Variants in MAMLD1 observed in about 807,000 individuals in gnomAD.
The protein encoded by MAMLD1 is mastermind-like domain-containing protein 1.
In MAMLD1, 14 loss-of-function variants were observed where a neutral mutation model predicts 45.0. That is an observed-to-expected ratio of 0.31 (90% CI 0.21 to 0.49). MAMLD1 has a LOEUF of 0.49. Ranked by LOEUF, MAMLD1 falls within the 20% of genes least tolerant of loss-of-function variation. The pLI is 0.99. For synonymous variants in MAMLD1, 254 were observed against 247.8 expected (o/e 1.02, Z -0.24); for missense variants, 543 against 603.6 (o/e 0.90, Z 1.05).
rs200386969 is a variant in MAMLD1, at chrX:150,490,126, CA to C, written c.2041-13146del. 5.6e-4 allele frequency among the ~76,000 whole-genome samples: 62 copies of C among 111,581 alleles called. No homozygotes were observed. In the East Asian group the frequency reaches 0.017, roughly 30 times the overall value. ...GATCTAAGGGGGAGGCTGCTGGAGG[CA>C]ATTATGTTTCCCATGGCAGGAGATG... On this transcript the variant is annotated intron_variant, in intron 5 of 7. Transcript: ENST00000370401.
At position 150,471,052 on chromosome X, in the gene MAMLD1, ACAGCAGCAGCAG is replaced by A. The variant is rs781802555; in HGVS notation, c.1494_1505del (p.Gln499_Gln502del). 2.8e-5 allele frequency: 34 copies of A among 1,209,460 alleles called. No homozygotes were observed. Among genetic ancestry groups the A allele is most frequent in the South Asian group, 1.2e-4 (7 of 56,919 alleles). ...CCACCAGTAATCTTCTAAGCCAGCA[ACAGCAGCAGCAG>A]CAGCAGCAGCAGCAAGCAAATGTGA... On this transcript the variant is annotated inframe_deletion, in exon 4 of 8. Coordinates refer to ENST00000370401, the MANE Select transcript of MAMLD1 (RefSeq NM_005491.5).
chrX:150,440,291 G>A (rs1441126867), intron 1 of MAMLD1, among the ~76,000 whole-genome samples: 2 of 107,317 alleles, frequency 1.9e-5, no homozygotes, highest in African/African-American at 6.8e-5. Context: ...GGATTTTTGT[G>A]TCTATATTCA....
At chrX:150,490,662 A>T (rs1160458324) in intron 5 of MAMLD1, among the ~76,000 whole-genome samples, 1 of 112,185 alleles carries the variant, frequency 8.9e-6, no homozygotes, top group Non-Finnish European at 1.9e-5. Flanking sequence ...GAATCAGAGG[A>T]CATGAATACT....
At chrX:150,504,530 G>A (rs2037666116) in intron 6 of MAMLD1, 1 of 560,904 alleles carries the variant, frequency 1.8e-6, no homozygotes, top group African/African-American at 2.5e-5. Flanking sequence ...CTCCTCAGCT[G>A]TTCACTCTTC....
At chrX:150,481,974 A>G (rs1557407274) in intron 5 of MAMLD1, among the ~76,000 whole-genome samples, 1 of 79,488 alleles carries the variant, frequency 1.3e-5, no homozygotes, top group Non-Finnish European at 2.3e-5. Context: ...AAAAGAAAGA[A>G]AGAAAGAAAG....
chrX:150,385,501 TTAAG>T (rs782747390), intron 1 of MAMLD1, among the ~76,000 whole-genome samples: 1 of 112,164 alleles, frequency 8.9e-6, no homozygotes, highest in South Asian at 3.7e-4. Flanking sequence ...GTTCTTACAA[TTAAG>T]TAAGTTAGAG....
Position 150,398,421 on chromosome X carries a change from C to A in MAMLD1, c.-64+34891C>A, listed in dbSNP as rs781869768. On this transcript the variant is annotated intron_variant, in intron 1 of 7. Transcript: ENST00000370401. ...AAGAAGAAGACAGGGAACGAAGGAGCAAAAATACACTAGCTTTCCAAAGGT... is the reference window on the plus strand; with the variant it reads ...AAGAAGAAGACAGGGAACGAAGGAGAAAAAATACACTAGCTTTCCAAAGGT... Among the ~76,000 whole-genome samples, 3 of 108,652 alleles carry A rather than the reference C, an allele frequency of 2.8e-5. No individual in the cohort carries two copies. In the South Asian group the frequency reaches 1.2e-3, roughly 44 times the overall value. 94.4% of individuals were successfully genotyped at this position (108,652 alleles called of 115,157 possible).
intron 1 of MAMLD1, among the ~76,000 whole-genome samples, chrX:150,406,591 T>C (rs2034003476): frequency 8.9e-6 from 1 of 111,976 alleles, no homozygotes; most frequent in Admixed American, 9.4e-5. Flanking sequence ...TCCATCAAGA[T>C]AGTAACACAC....
At chrX:150,394,651 G>A (rs2124502007) in intron 1 of MAMLD1, among the ~76,000 whole-genome samples, 1 of 111,089 alleles carries the variant, frequency 9.0e-6, no homozygotes, top group East Asian at 2.8e-4. Context: ...TAGATCTTGT[G>A]CGTATTTTCT....
chrX:150,387,528 G>C (rs1181974538), intron 1 of MAMLD1, among the ~76,000 whole-genome samples: 1 of 111,891 alleles, frequency 8.9e-6, no homozygotes, highest in Non-Finnish European at 1.9e-5. Flanking sequence ...TATACAGAGG[G>C]CTGACTTTGC....
chrX:150,383,126 G>A (rs1557401906), intron 1 of MAMLD1, among the ~76,000 whole-genome samples: 1 of 30,907 alleles, frequency 3.2e-5, no homozygotes. Flanking sequence ...GGATGGTCTC[G>A]ATCTCCTGAC....
intron 1 of MAMLD1, among the ~76,000 whole-genome samples, chrX:150,399,998 G>C (rs1485776420): frequency 9.0e-6 from 1 of 111,707 alleles, no homozygotes; most frequent in African/African-American, 3.3e-5. Context: ...CTGTTTTCTT[G>C]CAGGGAGGTT....
intron 4 of MAMLD1, among the ~76,000 whole-genome samples, chrX:150,472,877 T>C (rs1038243518): frequency 8.9e-6 from 1 of 112,028 alleles, no homozygotes; most frequent in East Asian, 2.8e-4. Flanking sequence ...CCATCTACCA[T>C]CCCTCCTTCC....
chrX:150,465,712 G>A (rs1011125312), intron 3 of MAMLD1, among the ~76,000 whole-genome samples: 3 of 112,324 alleles, frequency 2.7e-5, no homozygotes, highest in Non-Finnish European at 5.6e-5. Flanking sequence ...AAAGCAAATC[G>A]AGATATGCTC....
intron 1 of MAMLD1, among the ~76,000 whole-genome samples, chrX:150,382,900 T>A (rs1413158776): frequency 4.8e-5 from 1 of 20,815 alleles, no homozygotes; most frequent in Non-Finnish European, 8.4e-5. Flanking sequence ...TTTTTTTTTT[T>A]ATTTTTTATT....
chrX:150,370,872 C>T (rs1328672437), intron 1 of MAMLD1, among the ~76,000 whole-genome samples: 5 of 112,272 alleles, frequency 4.5e-5, no homozygotes, highest in Non-Finnish European at 7.5e-5. Flanking sequence ...GCTGTAGGCA[C>T]TGAGCTCCCA....
At chrX:150,373,566 G>T (rs1557401283) in intron 1 of MAMLD1, among the ~76,000 whole-genome samples, 1 of 111,793 alleles carries the variant, frequency 8.9e-6, no homozygotes, top group East Asian at 2.8e-4. Context: ...CAAAGGCTAG[G>T]TCTGAAGCCC....
intron 1 of MAMLD1, among the ~76,000 whole-genome samples, chrX:150,419,595 T>A (rs1557403365): frequency 1.9e-5 from 2 of 107,130 alleles, no homozygotes; most frequent in African/African-American, 6.7e-5. Context: ...CCTTTCCATG[T>A]TTAGTGCTTC....
At chrX:150,392,235 T>C (rs1020247523) in intron 1 of MAMLD1, among the ~76,000 whole-genome samples, 7 of 112,144 alleles carry the variant, frequency 6.2e-5, no homozygotes, top group Non-Finnish European at 1.1e-4. Context: ...TATTCAGTCT[T>C]GTTGCTGCTA....
Sources: allele counts gnomAD v4.1 joint callset (sites outside exome capture counted in the v4.1 genomes callset), GRCh38; gene constraint gnomAD v4.1.1; transcripts MANE v1.5; gene names NCBI Gene and HGNC (gene_info 2026-07-23, HGNC 2026-07-21).